Variants in MAST4 observed in about 807,000 individuals in gnomAD.
MAST4 encodes the protein microtubule-associated serine/threonine-protein kinase 4.
Under a neutral mutation model 162.7 loss-of-function variants are expected in MAST4, and 89 were observed. That is an observed-to-expected ratio of 0.55 (90% CI 0.46 to 0.65). The LOEUF is 0.65. Ranked by LOEUF, MAST4 falls within the 30% of genes least tolerant of loss-of-function variation. MAST4 has a pLI of 0.00. For synonymous variants in MAST4, 1,479 were observed against 1,361.1 expected, an observed-to-expected ratio of 1.09 and a Z score of -1.91; for missense variants, 3,153 against 3,374.0, an observed-to-expected ratio of 0.93 and a Z score of 1.62.
chr5:66,996,717 A>G (rs1185585008), intron 4 of MAST4, among the ~76,000 whole-genome samples: 1 of 151,932 alleles, frequency 6.6e-6, no homozygotes, highest in East Asian at 1.9e-4. Flanking sequence ...CTAGCATCTC[A>G]TTTCAGTGCC....
At chr5:66,765,712 A>C (rs1057312948) in intron 2 of MAST4, among the ~76,000 whole-genome samples, 34 of 152,316 alleles carry the variant, frequency 2.2e-4, no homozygotes, top group Admixed American at 1.2e-3. Context: ...TAGAAAATAC[A>C]GAACAGTATA....
chr5:66,999,649 CCAT>C (rs1751055841), intron 4 of MAST4, among the ~76,000 whole-genome samples: 1 of 152,154 alleles, frequency 6.6e-6, no homozygotes. Flanking sequence ...TTTGCTCAAC[CCAT>C]CAGGAAATAG....
intron 1 of MAST4, among the ~76,000 whole-genome samples, chr5:66,641,227 A>G (rs1270464008): frequency 6.6e-6 from 1 of 151,954 alleles, no homozygotes; most frequent in Non-Finnish European, 1.5e-5. Flanking sequence ...ATCTCGGCTC[A>G]TTGCAACTTT....
intron 4 of MAST4, among the ~76,000 whole-genome samples, chr5:67,039,961 T>A (rs999762945): frequency 3.4e-5 from 5 of 147,874 alleles, no homozygotes; most frequent in South Asian, 2.1e-4. Flanking sequence ...TTTTGAGATT[T>A]TATATATATA....
chr5:67,138,957 A>G (rs1359960862), intron 19 of MAST4, among the ~76,000 whole-genome samples: 2 of 152,220 alleles, frequency 1.3e-5, no homozygotes, highest in Non-Finnish European at 2.9e-5. Flanking sequence ...GATAATGATC[A>G]GCATCTCTGT....
intron 5 of MAST4, among the ~76,000 whole-genome samples, chr5:67,083,412 A>G (rs1042503151): frequency 1.3e-5 from 2 of 152,210 alleles, no homozygotes; most frequent in Admixed American, 6.5e-5. Context: ...GAGATTTATA[A>G]TAGAGAATAC....
intron 1 of MAST4, among the ~76,000 whole-genome samples, chr5:66,717,022 T>C (rs1750885074): frequency 6.6e-6 from 1 of 152,160 alleles, no homozygotes; most frequent in Non-Finnish European, 1.5e-5. Context: ...GACCAGCGCT[T>C]CTGATCCCAG....
chr5:66,917,043 G>A, intron 4 of MAST4: 1 of 717,708 alleles, frequency 1.4e-6, no homozygotes, highest in Non-Finnish European at 2.6e-6. Context: ...AATTTTAATA[G>A]CTATCACTTT....
chr5:66,750,705 A>T (rs948341278), intron 1 of MAST4, among the ~76,000 whole-genome samples: 13 of 152,212 alleles, frequency 8.5e-5, no homozygotes, highest in African/African-American at 2.4e-4. Context: ...GCAAGGCGGT[A>T]GCGAGGCTGG....
intron 4 of MAST4, among the ~76,000 whole-genome samples, chr5:67,023,461 A>G (rs569517092): frequency 1.9e-4 from 29 of 152,272 alleles, no homozygotes; most frequent in East Asian, 7.7e-4. Flanking sequence ...ACGTAGCTCT[A>G]TGAACAATGA....
chr5:66,825,313 C>G (rs933727996), intron 3 of MAST4, among the ~76,000 whole-genome samples: 1 of 127,462 alleles, frequency 7.8e-6, no homozygotes, highest in African/African-American at 3.0e-5. Context: ...CACACACACA[C>G]AGGCCTAGTC....
intron 4 of MAST4, among the ~76,000 whole-genome samples, chr5:66,943,884 G>A (rs891359518): frequency 3.9e-5 from 6 of 152,050 alleles, no homozygotes; most frequent in African/African-American, 1.4e-4. Context: ...ATTATGCAAG[G>A]TGTGTTTTGT....
chr5:67,024,352 CAT>C (rs1491535962), intron 4 of MAST4, among the ~76,000 whole-genome samples: 211 of 138,794 alleles, frequency 1.5e-3, no homozygotes, highest in African/African-American at 5.9e-3. Flanking sequence ...CACACACACA[CAT>C]ACATATAGAT....
intron 4 of MAST4, among the ~76,000 whole-genome samples, chr5:66,992,983 A>G (rs1352885127): frequency 6.6e-6 from 1 of 152,120 alleles, no homozygotes; most frequent in Non-Finnish European, 1.5e-5. Flanking sequence ...GAAAAAGGTC[A>G]CCCTGCTCAA....
rs772051031 is a variant in MAST4, at chr5:67,164,375, C to T, written c.5196C>T (p.Pro1732=). The change falls in exon 29 of 29, where the codon CCC becomes CCT. Residue 1732 remains proline, a synonymous_variant. Transcript: ENST00000403625. The surrounding 1 kb of genome is among the most constrained non-coding windows in gnomAD (Gnocchi z 5.3). ...GACCCACGGGTGGGCAGCAGGAGCC[C>T]CCGCCGGCTTCTGAGAGCCGAGCTT... ...PVRPTGGQQE[P]PPASESRAFV... 9.3e-6 allele frequency: 15 copies of T among 1,613,990 alleles called. No individual in the cohort carries two copies. The highest frequency in any genetic ancestry group is 3.3e-5 in the Admixed American group (2 of 60,034).
intron 4 of MAST4, among the ~76,000 whole-genome samples, chr5:67,043,693 A>G (rs889215082): frequency 5.9e-5 from 9 of 152,202 alleles, no homozygotes; most frequent in African/African-American, 1.9e-4. Flanking sequence ...ATATACTTAC[A>G]TTGAGTACAA....
intron 3 of MAST4, among the ~76,000 whole-genome samples, chr5:66,807,364 C>G (rs1009347439): frequency 6.6e-6 from 1 of 152,066 alleles, no homozygotes; most frequent in Admixed American, 6.5e-5. Flanking sequence ...GGCGCGGTGG[C>G]GGGCGCCTTT....
At chr5:66,995,437 T>A (rs532228177) in intron 4 of MAST4, among the ~76,000 whole-genome samples, 2 of 152,190 alleles carry the variant, frequency 1.3e-5, no homozygotes, top group African/African-American at 2.4e-5. Context: ...AGAGTCTCAC[T>A]CTGTCTCCCA....
At chr5:66,838,918 G>T (rs972417030) in intron 3 of MAST4, among the ~76,000 whole-genome samples, 4 of 152,136 alleles carry the variant, frequency 2.6e-5, no homozygotes, top group Non-Finnish European at 5.9e-5. Context: ...ACTGTAATCA[G>T]GGCATAGAAA....
Sources: gnomAD v4.1 joint callset for allele counts (sites outside exome capture counted in the v4.1 genomes callset) on GRCh38, gnomAD v4.1.1 for gene constraint, Gnocchi (gnomAD v3.1) non-coding constraint, MANE v1.5 for transcripts, NCBI Gene and HGNC (gene_info 2026-07-23, HGNC 2026-07-21) for gene names.